The following MPP7 variants were observed in gnomAD, a reference collection of about 807,000 sequenced individuals.
MPP7 encodes the protein MAGUK p55 scaffold protein 7.
A neutral mutation model predicts 76.5 loss-of-function variants in MPP7; 60 were observed. That is an observed-to-expected ratio of 0.78 (90% CI 0.64 to 0.97). MPP7 has a LOEUF of 0.97. MPP7 is among the 50% of genes least tolerant of loss of function. The pLI is 0.00. For missense variants in MPP7, 641 were observed against 694.0 expected, an observed-to-expected ratio of 0.92 and a Z score of 0.86; for synonymous variants, 237 against 244.5, an observed-to-expected ratio of 0.97 and a Z score of 0.29.
chr10:28,124,649 T>TC (rs1294604446), intron 7 of MPP7, among the ~76,000 whole-genome samples: 2 of 151,288 alleles, frequency 1.3e-5, no homozygotes, highest in East Asian at 3.9e-4. Context: ...CTAATTTTTT[T>TC]TTTTTTTGTA....
chr10:28,195,418 T>A (rs1445421646), intron 3 of MPP7, among the ~76,000 whole-genome samples: 1 of 152,130 alleles, frequency 6.6e-6, no homozygotes, highest in Non-Finnish European at 1.5e-5. Flanking sequence ...AAAATATACA[T>A]CTATGCAATA....
At chr10:28,099,185 T>C (rs1338018961) in intron 11 of MPP7, among the ~76,000 whole-genome samples, 1 of 152,110 alleles carries the variant, frequency 6.6e-6, no homozygotes, top group Admixed American at 6.6e-5. Context: ...AAAGTCAAGA[T>C]AACTCACCAC....
intron 13 of MPP7, among the ~76,000 whole-genome samples, chr10:28,068,835 A>G (rs1852094564): frequency 6.6e-6 from 1 of 152,256 alleles, no homozygotes; most frequent in Non-Finnish European, 1.5e-5. Flanking sequence ...TATTTAGAAG[A>G]AAATTTGTAA....
intron 5 of MPP7, among the ~76,000 whole-genome samples, chr10:28,134,366 T>C (rs780196632): frequency 6.6e-6 from 1 of 152,216 alleles, no homozygotes; most frequent in African/African-American, 2.4e-5. Context: ...TCTGTCTTTT[T>C]CTTATTAATT....
chr10:28,211,167 C>T (rs1464824656), intron 2 of MPP7, among the ~76,000 whole-genome samples: 4 of 151,920 alleles, frequency 2.6e-5, no homozygotes, highest in African/African-American at 9.7e-5. Flanking sequence ...GGCACGGTCA[C>T]AGCTCACTGC....
intron 3 of MPP7, among the ~76,000 whole-genome samples, chr10:28,152,410 A>C (rs1300897480): frequency 6.6e-6 from 1 of 152,226 alleles, no homozygotes; most frequent in African/African-American, 2.4e-5. Flanking sequence ...TGTTTCCAAA[A>C]ATATTGACAG....
intron 13 of MPP7, among the ~76,000 whole-genome samples, chr10:28,065,064 T>C (rs570730901): frequency 5.9e-5 from 9 of 152,272 alleles, no homozygotes; most frequent in Non-Finnish European, 1.3e-4. Flanking sequence ...TATTTGCTAG[T>C]GTGTTCCTTT....
chr10:28,310,446 G>A (rs909628305), intron 2 of MPP7, among the ~76,000 whole-genome samples: 23 of 152,162 alleles, frequency 1.5e-4, no homozygotes, highest in African/African-American at 5.5e-4. Context: ...CTGTTGCGCT[G>A]TCACACGAAC....
At chr10:28,147,864 C>T (rs924789886) in intron 4 of MPP7, among the ~76,000 whole-genome samples, 6 of 152,262 alleles carry the variant, frequency 3.9e-5, no homozygotes, top group Non-Finnish European at 8.8e-5. Context: ...GTCTTTTGCA[C>T]CTAGACAAAG....
intron 3 of MPP7, among the ~76,000 whole-genome samples, chr10:28,182,996 T>C (rs986105497): frequency 2.0e-5 from 3 of 152,242 alleles, no homozygotes; most frequent in Non-Finnish European, 4.4e-5. Flanking sequence ...GAGAATCGCT[T>C]GAACCTGGGA....
intron 2 of MPP7, among the ~76,000 whole-genome samples, chr10:28,232,902 C>T (rs1838936764): frequency 6.6e-6 from 1 of 152,108 alleles, no homozygotes; most frequent in Non-Finnish European, 1.5e-5. Context: ...TTTTAAAACT[C>T]TACTTATAAA....
intron 3 of MPP7, among the ~76,000 whole-genome samples, chr10:28,186,382 G>A (rs539389048): frequency 4.0e-4 from 60 of 150,972 alleles, no homozygotes; most frequent in African/African-American, 1.3e-3. Flanking sequence ...GAGAGAGAGA[G>A]AAAACAGCCT....
At chr10:28,318,423 C>T (rs1052862086) in intron 2 of MPP7, among the ~76,000 whole-genome samples, 1 of 152,194 alleles carries the variant, frequency 6.6e-6, no homozygotes, top group Non-Finnish European at 1.5e-5. Flanking sequence ...TGGTGGCTGA[C>T]TCCTGTAATC....
At position 28,115,681 on chromosome 10, in the gene MPP7, A is replaced by T. The variant is rs540455627; in HGVS notation, c.952+3970T>A. Among the ~76,000 whole-genome samples, 7 of 152,310 alleles carry T rather than the reference A, an allele frequency of 4.6e-5. No homozygotes were observed. In the South Asian group the frequency reaches 1.4e-3, roughly 32 times the overall value. Reference sequence around the variant, plus strand: ...TGTTAAGACATTCCAAAATACCGGTACCGTGTGCAGTGAATTCGTTATTTT... The same window carrying T: ...TGTTAAGACATTCCAAAATACCGGTTCCGTGTGCAGTGAATTCGTTATTTT... On this transcript the variant is annotated intron_variant, in intron 11 of 16. Coordinates refer to ENST00000683449, the MANE Select transcript of MPP7 (RefSeq NM_001318170.2).
intron 12 of MPP7, among the ~76,000 whole-genome samples, chr10:28,084,832 G>A (rs1165400773): frequency 6.6e-6 from 1 of 152,146 alleles, no homozygotes; most frequent in African/African-American, 2.4e-5. Flanking sequence ...AAGGAGCAGG[G>A]CAGTGAAATA....
At chr10:28,101,419 A>C (rs1425606196) in intron 11 of MPP7, among the ~76,000 whole-genome samples, 3 of 152,182 alleles carry the variant, frequency 2.0e-5, no homozygotes, top group Non-Finnish European at 4.4e-5. Context: ...ATAGGAGGAC[A>C]GACAGAAATA....
chr10:28,173,226 T>TGA (rs1836744057), intron 3 of MPP7, among the ~76,000 whole-genome samples: 1 of 127,080 alleles, frequency 7.9e-6, no homozygotes, highest in African/African-American at 3.0e-5. Flanking sequence ...TGAGTAGCGA[T>TGA]GAAAAAAAAA....
intron 11 of MPP7, among the ~76,000 whole-genome samples, chr10:28,114,226 C>T (rs1834591616): frequency 6.6e-6 from 1 of 152,144 alleles, no homozygotes; most frequent in Admixed American, 6.5e-5. Context: ...GCGTGAACCA[C>T]ATAGTGAGAA....
At chr10:28,194,930 G>C (rs1837531616) in intron 3 of MPP7, among the ~76,000 whole-genome samples, 1 of 152,176 alleles carries the variant, frequency 6.6e-6, no homozygotes, top group African/African-American at 2.4e-5. Context: ...GCCAATGCAA[G>C]AGGTAAATAA....
Sources: gnomAD v4.1 joint callset for allele counts (sites outside exome capture counted in the v4.1 genomes callset) on GRCh38, gnomAD v4.1.1 for gene constraint, MANE v1.5 for transcripts, NCBI Gene and HGNC (gene_info 2026-07-23, HGNC 2026-07-21) for gene names.